TRPC7: variants seen among roughly 807,000 people sequenced by gnomAD.
The protein encoded by TRPC7 is short transient receptor potential channel 7.
Under a neutral mutation model 90.1 loss-of-function variants are expected in TRPC7, and 42 were observed. The ratio of observed to expected loss-of-function variants is 0.47; its 90% CI spans 0.36 to 0.60. TRPC7 has a LOEUF of 0.60. Ranked by LOEUF, TRPC7 falls within the 20% of genes least tolerant of loss-of-function variation. The pLI, the probability that TRPC7 is intolerant of heterozygous loss-of-function variation, is 0.00. For synonymous variants in TRPC7, 451 were observed against 436.3 expected (o/e 1.03, Z -0.42); for missense variants, 955 against 1,112.3 (o/e 0.86, Z 2.01).
At chr5:136,340,359 A>T (rs1328788429) in intron 2 of TRPC7, among the ~76,000 whole-genome samples, 1 of 152,154 alleles carries the variant, frequency 6.6e-6, no homozygotes, top group Non-Finnish European at 1.5e-5. Context: ...AGTTAGATGG[A>T]AGAAATAGGT....
At chr5:136,213,652 G>C (rs763005668) in intron 11 of TRPC7, 48 bp from the exon 12 acceptor site, 1 of 1,601,690 alleles carries the variant, frequency 6.2e-7, no homozygotes, top group Non-Finnish European at 8.5e-7. Context: ...GTGGAAGCTC[G>C]GGGCTTGTCC....
chr5:136,222,523 T>C (rs1755495317), intron 10 of TRPC7, among the ~76,000 whole-genome samples: 1 of 152,142 alleles, frequency 6.6e-6, no homozygotes, highest in Admixed American at 6.5e-5. Flanking sequence ...GCAATGCTAC[T>C]TGGAAGGCCA....
chr5:136,338,450 G>C (rs1360406034), intron 2 of TRPC7, among the ~76,000 whole-genome samples: 1 of 152,186 alleles, frequency 6.6e-6, no homozygotes, highest in Non-Finnish European at 1.5e-5. Context: ...GTATGAAAAA[G>C]TATAGATGGT....
intron 7 of TRPC7, among the ~76,000 whole-genome samples, chr5:136,239,750 T>C (rs567445429): frequency 6.6e-6 from 1 of 152,270 alleles, no homozygotes; most frequent in African/African-American, 2.4e-5. Flanking sequence ...AGGCGATCTA[T>C]CTAGCTCAGC....
intron 3 of TRPC7, among the ~76,000 whole-genome samples, chr5:136,283,706 C>G (rs535292412): frequency 8.5e-4 from 129 of 152,344 alleles, no homozygotes; most frequent in Non-Finnish European, 1.3e-3. Flanking sequence ...AAACCTTGCT[C>G]ATGACTCACA....
chr5:136,360,250 G>A (rs1421799742), intron 1 of TRPC7, among the ~76,000 whole-genome samples: 1 of 152,082 alleles, frequency 6.6e-6, no homozygotes, highest in Non-Finnish European at 1.5e-5. Flanking sequence ...CAAACTTAAA[G>A]GATATTCAAG....
intron 2 of TRPC7, among the ~76,000 whole-genome samples, chr5:136,322,026 T>C (rs1759213901): frequency 6.6e-6 from 1 of 152,168 alleles, no homozygotes; most frequent in South Asian, 2.1e-4. Flanking sequence ...AAGATTTTTT[T>C]TTTTTTAAGA....
intron 1 of TRPC7, among the ~76,000 whole-genome samples, chr5:136,359,706 T>C (rs1760507059): frequency 6.6e-6 from 1 of 152,100 alleles, no homozygotes; most frequent in Admixed American, 6.6e-5. Context: ...GCAGTTACCC[T>C]ATTTGTATTC....
chr5:136,321,670 C>T (rs1437660154), intron 2 of TRPC7, among the ~76,000 whole-genome samples: 1 of 152,044 alleles, frequency 6.6e-6, no homozygotes, highest in Non-Finnish European at 1.5e-5. Context: ...TTTATAATTA[C>T]CGGAGTGGGA....
chr5:136,233,970 T>G (rs1755901633), intron 7 of TRPC7, among the ~76,000 whole-genome samples: 2 of 152,218 alleles, frequency 1.3e-5, no homozygotes, highest in African/African-American at 4.8e-5. Context: ...TTAAGCAGTA[T>G]GTGTTCCAGC....
At chr5:136,274,415 T>C (rs1223629902) in intron 4 of TRPC7, among the ~76,000 whole-genome samples, 2 of 152,156 alleles carry the variant, frequency 1.3e-5, no homozygotes, top group Non-Finnish European at 2.9e-5. Context: ...TCAATTCTGT[T>C]ACTGATCTTT....
chr5:136,310,255 G>T (rs970000517), intron 3 of TRPC7, among the ~76,000 whole-genome samples: 4 of 152,122 alleles, frequency 2.6e-5, no homozygotes, highest in African/African-American at 9.7e-5. Context: ...CCAGGGTTTT[G>T]TTCACTTTCC....
rs1755589224 is a variant in TRPC7, at chr5:136,225,307, TG to T, written c.2309del (p.Ala770GlufsTer5). Reference protein sequence around the residue: ...AGMRNSENLTANNTLSKPTRY... With the variant: ...AGMRNSENLTXNNTLSKPTRY... Reference sequence around the variant, plus strand: ...TGGTGGGCTTGCTCAAAGTGTTATTTGCTGTCAGATTTTCAGAATTCCTCAT... The same window carrying T: ...TGGTGGGCTTGCTCAAAGTGTTATTTCTGTCAGATTTTCAGAATTCCTCAT... On this transcript the variant is annotated frameshift_variant, in exon 10 of 12. Coordinates refer to ENST00000513104, the MANE Select transcript of TRPC7 (RefSeq NM_020389.3). LOFTEE classifies it high-confidence loss of function. 1 of 1,613,274 alleles carries T rather than the reference TG, an allele frequency of 6.2e-7. No individual in the cohort carries two copies. Among genetic ancestry groups the T allele is most frequent in the African/African-American group, 1.3e-5 (1 of 74,858 alleles).
In TRPC7 at chr5:136,326,445, C is replaced by T. The variant is rs1759350895; in HGVS notation, c.781-10666G>A. ...GTGGGGTCCTGTAGACATTTTCCTC[C>T]TGTTGCTTCAATTTTTTCTTTCAGT... On this transcript the variant is annotated intron_variant, in intron 2 of 11. Coordinates refer to ENST00000513104, the MANE Select transcript of TRPC7 (RefSeq NM_020389.3). Among the ~76,000 whole-genome samples, 3 of 152,164 alleles carry T rather than the reference C, an allele frequency of 2.0e-5. No homozygotes were observed. In the South Asian group the frequency reaches 6.2e-4, roughly 32 times the overall value.
At chr5:136,270,364 G>A (rs1190940475) in intron 4 of TRPC7, among the ~76,000 whole-genome samples, 1 of 152,170 alleles carries the variant, frequency 6.6e-6, no homozygotes, top group Non-Finnish European at 1.5e-5. Context: ...GTCAATGTAA[G>A]CAATGCATTA....
intron 2 of TRPC7, among the ~76,000 whole-genome samples, chr5:136,333,448 T>C (rs1289514652): frequency 6.6e-6 from 1 of 152,220 alleles, no homozygotes; most frequent in East Asian, 1.9e-4. Flanking sequence ...AGCTGGATCA[T>C]GGAGGATTTT....
intron 7 of TRPC7, 68 bp from the exon 8 acceptor site, chr5:136,231,617 T>C: frequency 7.1e-7 from 1 of 1,413,750 alleles, no homozygotes; most frequent in Non-Finnish European, 9.5e-7. Flanking sequence ...TTCATTCATT[T>C]ATCTTGAGAC....
intron 4 of TRPC7, among the ~76,000 whole-genome samples, chr5:136,271,693 C>T (rs566891816): frequency 3.0e-4 from 46 of 152,308 alleles, no homozygotes; most frequent in African/African-American, 1.1e-3. Flanking sequence ...AAATGATAAA[C>T]AGAATCACTG....
At chr5:136,327,730 G>T (rs1024659546) in intron 2 of TRPC7, among the ~76,000 whole-genome samples, 1 of 152,190 alleles carries the variant, frequency 6.6e-6, no homozygotes, top group Admixed American at 6.5e-5. Context: ...ATTCAACGCG[G>T]TAAAGTGGGG....
Sources: allele counts gnomAD v4.1 joint callset (sites outside exome capture counted in the v4.1 genomes callset), GRCh38; gene constraint gnomAD v4.1.1; transcripts MANE v1.5; gene names NCBI Gene and HGNC (gene_info 2026-07-23, HGNC 2026-07-21).